Variants in ACTR8 observed in about 807,000 individuals in gnomAD.
ACTR8 encodes the protein actin-related protein 8.
ACTR8 carries 70 observed loss-of-function variants against 84.3 expected under a neutral mutation model. The observed-to-expected ratio is 0.83, with a 90% CI of 0.68 to 1.01. ACTR8 has a LOEUF of 1.01. Ranked by LOEUF, ACTR8 falls within the 50% of genes least tolerant of loss-of-function variation. The pLI is 0.00. For synonymous variants in ACTR8, 268 were observed against 275.2 expected (o/e 0.97, Z 0.26); for missense variants, 672 against 775.4 (o/e 0.87, Z 1.58).
At chr3:53,871,633 T>C in intron 10 of ACTR8, 137 bp from the exon 11 acceptor site, 1 of 974,928 alleles carries the variant, frequency 1.0e-6, no homozygotes, top group Non-Finnish European at 1.5e-6. Flanking sequence ...CCAGCACCCA[T>C]TCCCAGGTAA....
chr3:53,879,310 T>G (rs1375025059), intron 2 of ACTR8, among the ~76,000 whole-genome samples: 1 of 152,214 alleles, frequency 6.6e-6, no homozygotes, highest in African/African-American at 2.4e-5. Flanking sequence ...AATGGAACCC[T>G]AAGGCCTACT....
chr3:53,877,313 T>C lies in ACTR8; in HGVS notation c.585A>G (p.Pro195=). The C allele has an allele frequency of 6.2e-7, 1 of 1,614,114 alleles. No homozygotes were observed. Among genetic ancestry groups the C allele is most frequent in the South Asian group, 1.1e-5 (1 of 91,074 alleles). ...PIRRGQLNIH[P]GPGGSLTAVL... is the part of the protein sequence containing the mutation. ...CAGCTGTAAGAGAGCCCCCAGGGCC[T>C]GGGTGAATATTTAACTGACCTCTTC... The change falls in exon 5 of 13, where the codon CCA becomes CCG. Residue 195 remains proline, a synonymous_variant. Coordinates refer to ENST00000335754, the MANE Select transcript of ACTR8 (RefSeq NM_022899.5).
rs765120831 is a variant in ACTR8 at position 53,870,127 on chromosome 3, T to C, written c.1586A>G (p.Lys529Arg). 5 of 1,613,074 alleles carry C rather than the reference T, an allele frequency of 3.1e-6. No individual in the cohort carries two copies. In the Admixed American group the frequency reaches 6.7e-5, roughly 22 times the overall value. ...CACTAGGATGGAGCTGTACATCTTC[T>C]TTTTGGTGTCGTCAGATGCTGAAAA... ...IDCCSSDDTK[K>R]KMYSSILVVG... The change falls in exon 12 of 13, where the codon AAG becomes AGG. Residue 529 changes from lysine to arginine, a missense_variant. Coordinates refer to ENST00000335754, the MANE Select transcript of ACTR8 (RefSeq NM_022899.5). The surrounding 1 kb of genome is among the most constrained non-coding windows in gnomAD (Gnocchi z 4.1).
chr3:53,876,559 C>T, intron 6 of ACTR8, 61 bp downstream of exon 6: 1 of 932,378 alleles, frequency 1.1e-6, no homozygotes, highest in African/African-American at 1.7e-5. Context: ...ATAAGATTAA[C>T]TCTGTCATTA....
chr3:53,877,088 GA>G (rs5849015), intron 5 of ACTR8, 125 bp downstream of exon 5: 443,037 of 901,998 alleles, frequency 0.49, 117,712 homozygotes, highest in East Asian at 0.95. Flanking sequence ...ATGCCACCAA[GA>G]ATCCTCACCC....
chr3:53,872,563 G>GCAT, intron 9 of ACTR8, 39 bp from the exon 10 acceptor site: 1 of 1,520,166 alleles, frequency 6.6e-7, no homozygotes, highest in South Asian at 1.3e-5. Context: ...AAAAGATACT[G>GCAT]CATCCTGAAA....
rs1177090249 is a variant in ACTR8 at position 53,876,025 on chromosome 3, GC to G, written c.833del (p.Ser278ThrfsTer5). 1.2e-6 allele frequency: 2 copies of G among 1,614,086 alleles called. No individual in the cohort carries two copies. Among genetic ancestry groups the G allele is most frequent in the Non-Finnish European group, 1.7e-6 (2 of 1,180,040 alleles). ...GGTCCCCAACGTCTACAATACACGT[GC>G]TGCTTAAGCCACTTCCATAGGTGGC... ...VCATYGSGLS[S>X]TCIVDVGDQK... On this transcript the variant is annotated frameshift_variant, in exon 7 of 13. Transcript: ENST00000335754. LOFTEE classifies it high-confidence loss of function.
chr3:53,865,105 A>G (rs1699735878), downstream of ACTR8: 4 of 1,614,172 alleles, frequency 2.5e-6, no homozygotes, highest in Middle Eastern at 3.3e-4. Flanking sequence ...TGATCTAAGA[A>G]GCCAGATTCA....
chr3:53,868,529 C>T lies in ACTR8; in HGVS notation c.*190G>A. On this transcript the variant is annotated 3_prime_UTR_variant, in exon 13 of 13. Transcript: ENST00000335754. ...AAGTTCCTATTTATTCTCAAATGCC[C>T]TGACTAAACTGCTCAAAAGCAGTTT... The T allele has an allele frequency of 1.3e-6, 1 of 776,398 alleles. No individual in the cohort carries two copies. Among genetic ancestry groups the T allele is most frequent in the Non-Finnish European group, 2.0e-6 (1 of 506,692 alleles). 48.1% of individuals were successfully genotyped at this position (776,398 alleles called of 1,614,324 possible). A position where few individuals can be genotyped will look rare whatever the true frequency, so the allele number is the denominator to read the frequency against.
chr3:53,882,130 G>C lies in ACTR8; in HGVS notation c.-29C>G. 3 of 1,549,630 alleles carry C rather than the reference G, an allele frequency of 1.9e-6. No homozygotes were observed. Among genetic ancestry groups the C allele is most frequent in the Non-Finnish European group, 2.6e-6 (3 of 1,145,564 alleles). On this transcript the variant is annotated 5_prime_UTR_variant, in exon 1 of 13. Transcript: ENST00000335754. The stretch of plus-strand genomic sequence containing the variant: ...GGCCGGAGACACCCACCAACCTCTC[G>C]CCTCAGCGCTGCAGCCACGACTGCC...
At chr3:53,877,162 C>A in intron 5 of ACTR8, 52 bp downstream of exon 5, 2 of 1,507,130 alleles carry the variant, frequency 1.3e-6, no homozygotes, top group Non-Finnish European at 1.8e-6. Context: ...CGTGTACTTT[C>A]ATTGACCAAG....
the ACTR8 span, chr3:53,859,896 C>A: frequency 5.1e-6 from 2 of 391,752 alleles, no homozygotes; most frequent in South Asian, 4.0e-5. Context: ...GCCTGTAATC[C>A]CAGCTACTCA....
downstream of ACTR8, chr3:53,865,165 G>A (rs778086828): frequency 1.5e-5 from 24 of 1,613,994 alleles, no homozygotes; most frequent in Admixed American, 1.8e-4. Context: ...TACAAAAGAC[G>A]ATTACAATGC....
chr3:53,876,510 C>T, intron 6 of ACTR8, 110 bp downstream of exon 6: 1 of 712,114 alleles, frequency 1.4e-6, no homozygotes, highest in South Asian at 1.7e-5. Flanking sequence ...CAGAGAGAGA[C>T]TCTGTCTCAA....
chr3:53,871,095 G>A, intron 11 of ACTR8, 137 bp downstream of exon 11: 1 of 1,222,286 alleles, frequency 8.2e-7, no homozygotes, highest in Non-Finnish European at 1.1e-6. Context: ...CCAACACCTG[G>A]CAATGCAAGC....
At chr3:53,881,578 C>A in intron 1 of ACTR8, 1 of 292,582 alleles carries the variant, frequency 3.4e-6, no homozygotes, top group Non-Finnish European at 6.5e-6. Context: ...CAAGCACAGG[C>A]TGACGCTCCC....
At chr3:53,875,459 T>C (rs1157212280) in intron 7 of ACTR8, among the ~76,000 whole-genome samples, 1 of 152,224 alleles carries the variant, frequency 6.6e-6, no homozygotes, top group African/African-American at 2.4e-5. Context: ...CTGGTCCTGA[T>C]AGTTATTTTC....
At chr3:53,861,225 C>T in the ACTR8 span, 1 of 152,168 alleles carries the variant, frequency 6.6e-6, no homozygotes, top group Non-Finnish European at 1.5e-5. Context: ...ACCTTAGGAC[C>T]CATACGAAGT....
In ACTR8 at chr3:53,876,085, G is replaced by T. The variant is rs745789088; in HGVS notation, c.779-5C>A. 9 of 1,582,598 alleles carry T rather than the reference G, an allele frequency of 5.7e-6. No homozygotes were observed. The highest frequency in any genetic ancestry group is 1.6e-5 in the African/African-American group (1 of 62,828). ...ACTCCTGATGGACCACAATCCCTGGGGGGGGAAAAGAAAAGGCAGAGTAGT... is the reference window on the plus strand; with the variant it reads ...ACTCCTGATGGACCACAATCCCTGGTGGGGGAAAAGAAAAGGCAGAGTAGT... On this transcript the variant is annotated splice_polypyrimidine_tract_variant and splice_region_variant and intron_variant, in intron 6 of 12. Transcript: ENST00000335754.
Sources: gnomAD v4.1 joint callset for allele counts (sites outside exome capture counted in the v4.1 genomes callset) on GRCh38, gnomAD v4.1.1 for gene constraint, Gnocchi (gnomAD v3.1) non-coding constraint, MANE v1.5 for transcripts, NCBI Gene and HGNC (gene_info 2026-07-23, HGNC 2026-07-21) for gene names.